The following SGCZ variants were observed in gnomAD, a reference collection of about 807,000 sequenced individuals.
The protein encoded by SGCZ is zeta-sarcoglycan.
A neutral mutation model predicts 41.3 loss-of-function variants in SGCZ; 40 were observed. The ratio of observed to expected loss-of-function variants is 0.97; its 90% CI spans 0.75 to 1.26. The LOEUF (loss-of-function observed/expected upper bound fraction) is 1.26, where lower values mean the gene tolerates loss of function less well. Ranked by LOEUF, SGCZ falls within the 50% of genes most tolerant of loss-of-function variation. The pLI, the probability that SGCZ is intolerant of heterozygous loss-of-function variation, is 0.00. For synonymous variants in SGCZ, 206 were observed against 137.5 expected, an observed-to-expected ratio of 1.50 and a Z score of -3.49; for missense variants, 552 against 369.8, an observed-to-expected ratio of 1.49 and a Z score of -4.04.
chr8:14,983,194 T>C (rs890147910), intron 1 of SGCZ, among the ~76,000 whole-genome samples: 1 of 3,754 alleles, frequency 2.7e-4, no homozygotes, highest in African/African-American at 2.8e-4. Flanking sequence ...TCTTTTTTCT[T>C]TTTTTTTTTG....
intron 1 of SGCZ, among the ~76,000 whole-genome samples, chr8:14,636,568 G>C (rs1289421965): frequency 6.6e-6 from 1 of 151,866 alleles, no homozygotes; most frequent in African/African-American, 2.4e-5. Flanking sequence ...CTGTCAATAG[G>C]TTTGTGGGTT....
At chr8:14,742,645 T>C (rs189073485) in intron 1 of SGCZ, among the ~76,000 whole-genome samples, 9 of 152,174 alleles carry the variant, frequency 5.9e-5, no homozygotes, top group Admixed American at 5.9e-4. Flanking sequence ...ATCTTATTCA[T>C]CCTTAGCAAA....
intron 2 of SGCZ, among the ~76,000 whole-genome samples, chr8:14,550,263 AAAC>A (rs1399782027): frequency 6.6e-6 from 1 of 151,608 alleles, no homozygotes; most frequent in South Asian, 2.1e-4. Flanking sequence ...TTTGTGCTAA[AAAC>A]AATATAATGG....
chr8:14,244,153 TCCTCTTCCTTCTTCCTCC>T, intron 3 of SGCZ, among the ~76,000 whole-genome samples: 1 of 776 alleles, frequency 1.3e-3, no homozygotes, highest in Admixed American at 0.015. Flanking sequence ...TTCTTCCTCC[TCCTCTTCCTTCTTCCTCC>T]TCCTCTTCCT....
chr8:14,780,451 C>T (rs529563252), intron 1 of SGCZ, among the ~76,000 whole-genome samples: 1 of 149,656 alleles, frequency 6.7e-6, no homozygotes, highest in Non-Finnish European at 1.5e-5. Flanking sequence ...ACATATTGAA[C>T]CTAAAGAATT....
intron 1 of SGCZ, among the ~76,000 whole-genome samples, chr8:14,738,056 G>C (rs1422263773): frequency 1.3e-5 from 2 of 151,984 alleles, no homozygotes; most frequent in African/African-American, 4.8e-5. Flanking sequence ...ATAAATCCTG[G>C]CGTTCGCACT....
chr8:14,541,961 C>T (rs1197388417), intron 2 of SGCZ, among the ~76,000 whole-genome samples: 3 of 152,092 alleles, frequency 2.0e-5, no homozygotes, highest in Admixed American at 6.6e-5. Flanking sequence ...ATCCTTTGCT[C>T]ACTTTTTGAT....
At chr8:14,309,650 C>T (rs1801463045) in intron 3 of SGCZ, 1 of 1,610,646 alleles carries the variant, frequency 6.2e-7, no homozygotes, top group Non-Finnish European at 8.5e-7. Context: ...GCGGCTCCAC[C>T]ACTAAAAATA....
intron 1 of SGCZ, among the ~76,000 whole-genome samples, chr8:14,884,181 A>G (rs575961802): frequency 6.6e-6 from 1 of 152,270 alleles, no homozygotes; most frequent in South Asian, 2.1e-4. Context: ...TAAGACTCTG[A>G]TTAATTCTAA....
intron 4 of SGCZ, among the ~76,000 whole-genome samples, chr8:14,182,900 G>T (rs10108958): frequency 0.21 from 31,341 of 151,176 alleles, 4,589 homozygotes; most frequent in African/African-American, 0.41. Context: ...ATCCCAACTA[G>T]GTGGGAGGCT....
chr8:15,071,726 T>C (rs998040951), intron 1 of SGCZ, among the ~76,000 whole-genome samples: 2 of 152,160 alleles, frequency 1.3e-5, no homozygotes, highest in African/African-American at 4.8e-5. Flanking sequence ...GACCAGCTTT[T>C]GTAACCTTCT....
intron 4 of SGCZ, among the ~76,000 whole-genome samples, chr8:14,171,470 G>A (rs565291146): frequency 6.6e-6 from 1 of 151,826 alleles, no homozygotes; most frequent in Admixed American, 6.6e-5. Context: ...GTATTCAACT[G>A]GTAGTATAAT....
At chr8:15,089,849 G>T (rs1009179623) in intron 1 of SGCZ, among the ~76,000 whole-genome samples, 2 of 152,190 alleles carry the variant, frequency 1.3e-5, no homozygotes, top group Non-Finnish European at 2.9e-5. Context: ...GGTCTTAACT[G>T]ATGGATGAAC....
intron 1 of SGCZ, among the ~76,000 whole-genome samples, chr8:14,863,511 G>A (rs140708458): frequency 2.6e-5 from 4 of 152,038 alleles, no homozygotes; most frequent in South Asian, 4.2e-4. Context: ...GGTTTCTAGC[G>A]CTTTAATTTC....
At chr8:14,599,153 C>A (rs1284197903) in intron 1 of SGCZ, among the ~76,000 whole-genome samples, 1 of 152,134 alleles carries the variant, frequency 6.6e-6, no homozygotes, top group Admixed American at 6.6e-5. Flanking sequence ...AGACATTCTT[C>A]CTTTGACCTC....
intron 2 of SGCZ, among the ~76,000 whole-genome samples, chr8:14,325,137 T>C (rs1411909860): frequency 1.3e-5 from 2 of 152,144 alleles, no homozygotes; most frequent in South Asian, 2.1e-4. Context: ...CATAGTTCAA[T>C]AGCTTGAAAT....
rs551968188 is a variant in SGCZ, at chr8:14,409,499, T to G, written c.235-85295A>C. ...TGAAAAAAAAATCAGAATATTCACT[T>G]TTAAAATATGTTTTACATGGCTGCC... On this transcript the variant is annotated intron_variant, in intron 2 of 7. Coordinates refer to ENST00000382080, the MANE Select transcript of SGCZ (RefSeq NM_139167.4). Among the ~76,000 whole-genome samples the G allele has an allele frequency of 3.9e-5, 6 of 152,252 alleles. No individual in the cohort carries two copies. In the East Asian group the frequency reaches 9.7e-4, roughly 24 times the overall value.
At chr8:14,761,739 T>C (rs192054481) in intron 1 of SGCZ, among the ~76,000 whole-genome samples, 1 of 152,100 alleles carries the variant, frequency 6.6e-6, no homozygotes, top group African/African-American at 2.4e-5. Context: ...TTGGCCAGTA[T>C]AGTACAAACT....
At chr8:14,648,710 CATATT>C (rs1291033932) in intron 1 of SGCZ, among the ~76,000 whole-genome samples, 5 of 151,930 alleles carry the variant, frequency 3.3e-5, no homozygotes, top group African/African-American at 4.8e-5. Context: ...GCAAGAGACT[CATATT>C]ATAGACGGCC....
Sources: gnomAD v4.1 joint callset for allele counts (sites outside exome capture counted in the v4.1 genomes callset) on GRCh38, gnomAD v4.1.1 for gene constraint, MANE v1.5 for transcripts, NCBI Gene and HGNC (gene_info 2026-07-23, HGNC 2026-07-21) for gene names.